FIG4: variants seen among roughly 807,000 people sequenced by gnomAD.
FIG4 encodes polyphosphoinositide phosphatase.
FIG4 carries 112 observed loss-of-function variants against 118.6 expected under a neutral mutation model. The observed-to-expected ratio is 0.94, with a 90% CI of 0.81 to 1.11. The LOEUF (loss-of-function observed/expected upper bound fraction) is 1.11. Ranked by LOEUF, FIG4 falls within the 50% of genes least tolerant of loss-of-function variation. The pLI is 0.00. For missense variants in FIG4, 969 were observed against 1,111.7 expected, an observed-to-expected ratio of 0.87 and a Z score of 1.83; for synonymous variants, 369 against 381.2, an observed-to-expected ratio of 0.97 and a Z score of 0.37.
At chr6:109,751,434 GAGTT>G (rs1256164249) in intron 10 of FIG4, among the ~76,000 whole-genome samples, 2 of 152,284 alleles carry the variant, frequency 1.3e-5, no homozygotes, top group Non-Finnish European at 2.9e-5. Context: ...CTCATAAAAT[GAGTT>G]AGGGAGGAGT....
intron 22 of FIG4, among the ~76,000 whole-genome samples, chr6:109,800,120 C>G (rs907436601): frequency 6.6e-6 from 1 of 151,998 alleles, no homozygotes; most frequent in African/African-American, 2.4e-5. Context: ...CAAGGTGATA[C>G]AGCTAGCAAG....
chr6:109,805,365 A>G (rs1778537240), intron 22 of FIG4, among the ~76,000 whole-genome samples: 1 of 152,210 alleles, frequency 6.6e-6, no homozygotes, highest in South Asian at 2.1e-4. Flanking sequence ...ATTGTTTCCA[A>G]ATACATGAAG....
At chr6:109,726,366 C>T (rs1417688434) in intron 3 of FIG4, among the ~76,000 whole-genome samples, 1 of 152,134 alleles carries the variant, frequency 6.6e-6, no homozygotes, top group Non-Finnish European at 1.5e-5. Context: ...AATCCTTTCC[C>T]CATTGCTTGT....
chr6:109,821,768 C>T (rs1222750623), intron 22 of FIG4, among the ~76,000 whole-genome samples: 1 of 152,166 alleles, frequency 6.6e-6, no homozygotes, highest in East Asian at 1.9e-4. Flanking sequence ...ACCCACAGCG[C>T]ATATAAAGGG....
Position 109,791,580 on chromosome 6 carries a change from G to T in FIG4, c.2376+9G>T. 1 of 1,613,312 alleles carries T rather than the reference G, an allele frequency of 6.2e-7. No individual in the cohort carries two copies. Among genetic ancestry groups the T allele is most frequent in the Admixed American group, 1.7e-5 (1 of 60,020 alleles). Reference sequence around the variant, plus strand: ...GTGCCAAAGTGACCGAGGTGCGGGGGAGGGAAGCCTGTGGCATCCAGCCTG... The same window carrying T: ...GTGCCAAAGTGACCGAGGTGCGGGGTAGGGAAGCCTGTGGCATCCAGCCTG... On this transcript the variant is annotated intron_variant, in intron 20 of 22. Transcript: ENST00000230124.
chr6:109,703,043 C>T (rs532751621), intron 1 of FIG4, among the ~76,000 whole-genome samples: 6 of 152,094 alleles, frequency 3.9e-5, no homozygotes, highest in Non-Finnish European at 5.9e-5. Flanking sequence ...ATTATGGCCT[C>T]GTTTTGGTAG....
At chr6:109,746,042 T>C (rs924874367) in intron 10 of FIG4, among the ~76,000 whole-genome samples, 5 of 152,110 alleles carry the variant, frequency 3.3e-5, no homozygotes, top group South Asian at 4.1e-4. Flanking sequence ...GGTACCAAAA[T>C]AGATATATAG....
At chr6:109,755,054 T>G (rs1021582672) in intron 10 of FIG4, among the ~76,000 whole-genome samples, 7 of 152,126 alleles carry the variant, frequency 4.6e-5, no homozygotes, top group South Asian at 2.1e-4. Context: ...GATCTTTCCT[T>G]CTTTCTCTTG....
chr6:109,781,993 G>T (rs1777820236), intron 16 of FIG4, among the ~76,000 whole-genome samples: 1 of 151,906 alleles, frequency 6.6e-6, no homozygotes, highest in South Asian at 2.1e-4. Context: ...CACAAATATT[G>T]ATTGCTCTGC....
intron 16 of FIG4, among the ~76,000 whole-genome samples, chr6:109,784,275 G>A (rs768822290): frequency 2.0e-5 from 3 of 152,054 alleles, no homozygotes; most frequent in African/African-American, 4.8e-5. Context: ...CAGAGAGAAG[G>A]CCACTTAGGA....
At chr6:109,754,401 C>CT (rs1307387420) in intron 10 of FIG4, among the ~76,000 whole-genome samples, 4 of 152,142 alleles carry the variant, frequency 2.6e-5, no homozygotes, top group African/African-American at 7.2e-5. Flanking sequence ...CTAAAATTCT[C>CT]TTTTTTGGTT....
intron 6 of FIG4, among the ~76,000 whole-genome samples, chr6:109,737,482 G>A (rs1306529588): frequency 1.3e-5 from 2 of 151,976 alleles, no homozygotes; most frequent in Non-Finnish European, 2.9e-5. Flanking sequence ...GCATTGAAAG[G>A]GCAGAGAAAG....
chr6:109,748,937 G>T (rs1174991773), intron 10 of FIG4, among the ~76,000 whole-genome samples: 1 of 152,052 alleles, frequency 6.6e-6, no homozygotes, highest in East Asian at 1.9e-4. Context: ...TTCAAGATGA[G>T]ATTTGAGTGG....
chr6:109,820,094 A>G (rs1216063746), intron 22 of FIG4, among the ~76,000 whole-genome samples: 1 of 152,188 alleles, frequency 6.6e-6, no homozygotes, highest in Non-Finnish European at 1.5e-5. Flanking sequence ...CAGGGCTCCC[A>G]GGCAGGTACT....
intron 22 of FIG4, among the ~76,000 whole-genome samples, chr6:109,806,482 AGTGTGT>A (rs143630242): frequency 6.6e-6 from 1 of 150,524 alleles, no homozygotes; most frequent in East Asian, 2.0e-4. Context: ...TGCACACACG[AGTGTGT>A]GTGTGTGTGC....
chr6:109,758,630 C>T (rs1776998733), intron 10 of FIG4, among the ~76,000 whole-genome samples: 1 of 152,180 alleles, frequency 6.6e-6, no homozygotes, highest in Non-Finnish European at 1.5e-5. Context: ...AACTAAAGAG[C>T]TTCTGCACAG....
At chr6:109,756,281 T>C (rs1583689500) in intron 10 of FIG4, among the ~76,000 whole-genome samples, 1 of 152,374 alleles carries the variant, frequency 6.6e-6, no homozygotes, top group South Asian at 2.1e-4. Context: ...CTCTTCTGGC[T>C]TGTAGAGTTT....
chr6:109,766,465 G>GT (rs1777282617), intron 14 of FIG4, among the ~76,000 whole-genome samples: 1 of 152,204 alleles, frequency 6.6e-6, no homozygotes, highest in Admixed American at 6.5e-5. Context: ...TTTAAGTGTG[G>GT]TTAGAAACAA....
At chr6:109,738,845 G>A (rs990627182) in intron 7 of FIG4, among the ~76,000 whole-genome samples, 2 of 152,094 alleles carry the variant, frequency 1.3e-5, no homozygotes, top group Admixed American at 1.3e-4. Flanking sequence ...GAGAGAGAGA[G>A]ATCACAGCCT....
Sources: gnomAD v4.1 joint callset for allele counts (sites outside exome capture counted in the v4.1 genomes callset) on GRCh38, gnomAD v4.1.1 for gene constraint, MANE v1.5 for transcripts, NCBI Gene and HGNC (gene_info 2026-07-23, HGNC 2026-07-21) for gene names.